The following FAT3 variants were observed in gnomAD, a reference collection of about 807,000 sequenced individuals.
The protein encoded by FAT3 is protocadherin Fat 3.
A neutral mutation model predicts 310.2 loss-of-function variants in FAT3; 95 were observed. The observed-to-expected ratio is 0.31, with a 90% CI of 0.26 to 0.36. The LOEUF (loss-of-function observed/expected upper bound fraction) is 0.36, where lower values mean the gene tolerates loss of function less well. FAT3 is among the 10% of genes least tolerant of loss of function. The pLI is 1.00. For synonymous variants in FAT3, 2,314 were observed against 2,192.9 expected (o/e 1.06, Z -1.54); for missense variants, 5,408 against 5,715.6 (o/e 0.95, Z 1.74).
At chr11:92,806,313 G>A in intron 11 of FAT3, 49 bp from the exon 12 acceptor site, 4 of 1,484,010 alleles carry the variant, frequency 2.7e-6, no homozygotes, top group Non-Finnish European at 3.7e-6. Flanking sequence ...TATGGCAATT[G>A]CCCCCACAAA....
At chr11:92,254,532 T>G (rs34087216) in intron 1 of FAT3, among the ~76,000 whole-genome samples, 7,858 of 152,174 alleles carry the variant, frequency 0.052, 276 homozygotes, top group African/African-American at 0.093. Context: ...TATTAAAACT[T>G]TCAAATCATT....
rs747091234 is a variant in FAT3 at position 92,799,734 on chromosome 11, A to G, written c.6721A>G (p.Lys2241Glu). The G allele has an allele frequency of 1.9e-6, 3 of 1,612,834 alleles. No individual in the cohort carries two copies. In the East Asian group the frequency reaches 6.7e-5, roughly 36 times the overall value. The change falls in exon 10 of 28, where the codon AAA becomes GAA. Residue 2241 changes from lysine to glutamate, a missense_variant. This residue lies in a region of FAT3 where 4,588 missense variants were observed against 4,809.8 expected (regional missense o/e 0.95). Coordinates refer to ENST00000525166, the MANE Select transcript of FAT3 (RefSeq NM_001367949.2). Reference sequence around the variant, plus strand: ...CATTGACTTTGACACTGGGGTCCTGAAAGTTGTTAGCCCTTTGGATTATGA... The same window carrying G: ...CATTGACTTTGACACTGGGGTCCTGGAAGTTGTTAGCCCTTTGGATTATGA... ...FNIDFDTGVL[K>E]VVSPLDYEVT... is the part of the protein sequence containing the mutation.
intron 4 of FAT3, among the ~76,000 whole-genome samples, chr11:92,714,836 T>G (rs530506810): frequency 6.6e-6 from 1 of 152,230 alleles, no homozygotes; most frequent in East Asian, 1.9e-4. Context: ...AACTATTTAG[T>G]TGAATGAATG....
intron 3 of FAT3, among the ~76,000 whole-genome samples, chr11:92,628,952 A>G (rs1246136736): frequency 1.3e-5 from 2 of 152,192 alleles, no homozygotes; most frequent in Admixed American, 1.3e-4. Context: ...AAATGACCCT[A>G]TCACAGACTT....
chr11:92,285,803 T>C (rs536961174), intron 1 of FAT3, among the ~76,000 whole-genome samples: 3 of 152,206 alleles, frequency 2.0e-5, no homozygotes. Context: ...GTAGTCCTTA[T>C]GTATCTGTCT....
chr11:92,751,372 G>A (rs757296313), intron 4 of FAT3, among the ~76,000 whole-genome samples: 36 of 152,220 alleles, frequency 2.4e-4, no homozygotes, highest in Admixed American at 6.5e-5. Context: ...TTAACACGGA[G>A]TGCCTGATAA....
intron 2 of FAT3, among the ~76,000 whole-genome samples, chr11:92,376,990 A>T (rs1949366836): frequency 1.3e-5 from 2 of 152,198 alleles, no homozygotes; most frequent in Admixed American, 6.6e-5. Context: ...AATACAGTGT[A>T]AATTCTCTTC....
At chr11:92,365,968 C>T (rs531565032) in intron 2 of FAT3, among the ~76,000 whole-genome samples, 21 of 152,280 alleles carry the variant, frequency 1.4e-4, no homozygotes, top group Admixed American at 1.3e-3. Flanking sequence ...ACACTAAAGT[C>T]AGGATTGATC....
At chr11:92,881,396 A>C (rs541926515) in intron 23 of FAT3, among the ~76,000 whole-genome samples, 1 of 152,348 alleles carries the variant, frequency 6.6e-6, no homozygotes, top group African/African-American at 2.4e-5. Flanking sequence ...ACTTTCAGCC[A>C]TCCTTGATCG....
At chr11:92,764,827 TACA>T (rs1176012563) in intron 5 of FAT3, 49 bp from the exon 6 acceptor site, 5 of 1,552,568 alleles carry the variant, frequency 3.2e-6, no homozygotes, top group Non-Finnish European at 4.4e-6. Context: ...ATCCAAACTC[TACA>T]ACAATCAGAG....
At chr11:92,629,150 T>G (rs902542355) in intron 3 of FAT3, among the ~76,000 whole-genome samples, 14 of 152,232 alleles carry the variant, frequency 9.2e-5, no homozygotes, top group Admixed American at 5.9e-4. Flanking sequence ...AACTAACTCA[T>G]AGTATACACT....
At chr11:92,343,005 G>C (rs1186823535) in intron 1 of FAT3, among the ~76,000 whole-genome samples, 1 of 152,064 alleles carries the variant, frequency 6.6e-6, no homozygotes, top group East Asian at 1.9e-4. Flanking sequence ...TCCTGAATTT[G>C]AAGCATTTAC....
intron 3 of FAT3, among the ~76,000 whole-genome samples, chr11:92,568,092 G>A (rs895879085): frequency 6.6e-6 from 1 of 152,026 alleles, no homozygotes; most frequent in African/African-American, 2.4e-5. Context: ...AATATTTATT[G>A]AATGTCTCCT....
rs761407198 is a variant in FAT3, at chr11:92,799,742, T to C, written c.6729T>C (p.Val2243=). The C allele has an allele frequency of 1.6e-5, 26 of 1,612,902 alleles. No individual in the cohort carries two copies. The highest frequency in any genetic ancestry group is 2.2e-5 in the Non-Finnish European group (26 of 1,179,398). Residue 2243 remains valine (V), a synonymous_variant, in exon 10 of 28, where the codon GTT becomes GTC. Coordinates refer to ENST00000525166, the MANE Select transcript of FAT3 (RefSeq NM_001367949.2). The part of the protein sequence containing the change: ...IDFDTGVLKV[V]SPLDYEVTSA... Reference sequence around the variant, plus strand: ...TTGACACTGGGGTCCTGAAAGTTGTTAGCCCTTTGGATTATGAAGTTACAT... The same window carrying C: ...TTGACACTGGGGTCCTGAAAGTTGTCAGCCCTTTGGATTATGAAGTTACAT...
chr11:92,612,819 A>C (rs1288530575), intron 3 of FAT3, among the ~76,000 whole-genome samples: 1 of 152,188 alleles, frequency 6.6e-6, no homozygotes, highest in African/African-American at 2.4e-5. Context: ...GTCTGGAAGG[A>C]TGGATGCAGT....
At chr11:92,552,063 AAAT>A (rs1405849381) in intron 3 of FAT3, among the ~76,000 whole-genome samples, 6 of 152,240 alleles carry the variant, frequency 3.9e-5, no homozygotes, top group African/African-American at 1.4e-4. Context: ...ATGTAATTAG[AAAT>A]AATCCTTGAA....
chr11:92,773,314 T>C (rs969018855), intron 6 of FAT3, among the ~76,000 whole-genome samples: 2 of 152,148 alleles, frequency 1.3e-5, no homozygotes, highest in African/African-American at 4.8e-5. Flanking sequence ...TTTCTAAACT[T>C]CCATGTAAAT....
At chr11:92,483,969 T>C (rs943235804) in intron 2 of FAT3, among the ~76,000 whole-genome samples, 1 of 152,232 alleles carries the variant, frequency 6.6e-6, no homozygotes, top group South Asian at 2.1e-4. Context: ...GTTATTATGA[T>C]TGTGGTACAC....
At chr11:92,645,100 T>C (rs1942101407) in intron 3 of FAT3, among the ~76,000 whole-genome samples, 1 of 152,198 alleles carries the variant, frequency 6.6e-6, no homozygotes, top group Non-Finnish European at 1.5e-5. Context: ...GTTTTCTGAG[T>C]AGATGGCAAA....
Sources: allele counts gnomAD v4.1 joint callset (sites outside exome capture counted in the v4.1 genomes callset), GRCh38; gene constraint gnomAD v4.1.1; regional missense constraint gnomAD v4.1.1; transcripts MANE v1.5; gene names NCBI Gene and HGNC (gene_info 2026-07-23, HGNC 2026-07-21).